The following PPFIA2 variants were observed in gnomAD, a reference collection of about 807,000 sequenced individuals.
PPFIA2 encodes liprin-alpha-2.
PPFIA2 carries 46 observed loss-of-function variants against 175.5 expected under a neutral mutation model. The observed-to-expected ratio is 0.26, with a 90% CI of 0.21 to 0.34. The LOEUF is 0.34. Ranked by LOEUF, PPFIA2 falls within the 10% of genes least tolerant of loss-of-function variation. The pLI is 1.00. For synonymous variants in PPFIA2, 568 were observed against 511.4 expected (o/e 1.11, Z -1.49); for missense variants, 1,179 against 1,506.1 (o/e 0.78, Z 3.60).
chr12:81,735,835 A>G (rs1012388863), intron 3 of PPFIA2, among the ~76,000 whole-genome samples: 9 of 151,852 alleles, frequency 5.9e-5, no homozygotes, highest in African/African-American at 2.2e-4. Context: ...TTTGTTGAAA[A>G]GACTATCTTC....
rs1423469395 is a variant in PPFIA2, at chr12:81,535,337, A to G, written c.304-77471T>C. 8.9e-6 allele frequency: 4 copies of G among 451,566 alleles called. No individual in the cohort carries two copies. In the Admixed American group the frequency reaches 9.6e-5, roughly 11 times the overall value. 28.0% of individuals were successfully genotyped at this position (451,566 alleles called of 1,614,324 possible). On this transcript the variant is annotated intron_variant, in intron 4 of 32. Coordinates refer to ENST00000549396, the MANE Select transcript of PPFIA2 (RefSeq NM_003625.5). ...GGAAAAGAGGGTTCCGGAGTTTGGG[A>G]ACTCTTGATTATTGGCAAAGGCCAG...
chr12:81,460,592 A>G (rs1007926748), intron 4 of PPFIA2, among the ~76,000 whole-genome samples: 13 of 152,098 alleles, frequency 8.5e-5, no homozygotes, highest in Non-Finnish European at 1.6e-4. Flanking sequence ...GAGACTGTGT[A>G]GAGGCAGATA....
At chr12:81,569,450 A>G (rs2072047315) in intron 4 of PPFIA2, among the ~76,000 whole-genome samples, 3 of 152,176 alleles carry the variant, frequency 2.0e-5, no homozygotes. Context: ...TACTCCAACA[A>G]AAAAGCCTTT....
chr12:81,575,386 G>C (rs2073327920), intron 4 of PPFIA2, among the ~76,000 whole-genome samples: 1 of 151,734 alleles, frequency 6.6e-6, no homozygotes, highest in Non-Finnish European at 1.5e-5. Flanking sequence ...CAAGCATAGT[G>C]CTGTATAATA....
chr12:81,598,667 T>C (rs186097838), intron 4 of PPFIA2, among the ~76,000 whole-genome samples: 49 of 152,020 alleles, frequency 3.2e-4, no homozygotes, highest in African/African-American at 1.1e-3. Flanking sequence ...AGTTCTTTTA[T>C]AATTTATAGA....
At position 81,262,028 on chromosome 12, in the gene PPFIA2, C is replaced by T; in HGVS notation, c.3728G>A (p.Arg1243Lys). Residue 1243 changes from arginine to lysine, a missense_variant, in exon 32 of 33, where the codon AGA (arginine) becomes AAA (lysine). This residue lies in a region of PPFIA2 where 245 missense variants were observed against 375.1 expected (regional missense o/e 0.65). Coordinates refer to ENST00000549396, the MANE Select transcript of PPFIA2 (RefSeq NM_003625.5). ...RKMTTDVASS[R>K]LQRLDNSTVR... ...AGTGGAGTTGTCTAACCTCTGCAGT[C>T]TTGATGAAGCAACTGCAAATGGAGA... 1 of 1,601,916 alleles carries T rather than the reference C, an allele frequency of 6.2e-7. No individual in the cohort carries two copies. The highest frequency in any genetic ancestry group is 8.5e-7 in the Non-Finnish European group (1 of 1,172,694).
chr12:81,293,992 A>C (rs2045747295), intron 24 of PPFIA2, among the ~76,000 whole-genome samples: 1 of 151,616 alleles, frequency 6.6e-6, no homozygotes, highest in Non-Finnish European at 1.5e-5. Context: ...TTGTAGCAAC[A>C]TAAATGGAAC....
intron 4 of PPFIA2, among the ~76,000 whole-genome samples, chr12:81,541,537 G>A (rs2066209786): frequency 1.3e-5 from 2 of 151,996 alleles, no homozygotes; most frequent in Non-Finnish European, 2.9e-5. Flanking sequence ...GATTTTACAG[G>A]TTCTATGCCA....
intron 28 of PPFIA2, among the ~76,000 whole-genome samples, chr12:81,269,932 G>C (rs1409942983): frequency 6.6e-6 from 1 of 151,826 alleles, no homozygotes; most frequent in East Asian, 1.9e-4. Context: ...AAGGGTGGGG[G>C]ATGGCAAGGG....
chr12:81,505,615 G>A (rs951615783), intron 4 of PPFIA2: 2 of 152,162 alleles, frequency 1.3e-5, no homozygotes, highest in African/African-American at 2.4e-5. Flanking sequence ...AAAGTTGGAA[G>A]GTCTACCACA....
At chr12:81,647,866 TAATA>T (rs1456233321) in intron 4 of PPFIA2, among the ~76,000 whole-genome samples, 2 of 141,608 alleles carry the variant, frequency 1.4e-5, no homozygotes, top group Non-Finnish European at 3.0e-5. Flanking sequence ...ATATATAATA[TAATA>T]TATATTATAT....
chr12:81,319,914 T>A (rs1250633442), intron 22 of PPFIA2, among the ~76,000 whole-genome samples: 1 of 151,990 alleles, frequency 6.6e-6, no homozygotes, highest in African/African-American at 2.4e-5. Flanking sequence ...CAGTTCCTAC[T>A]GCATGCCTAC....
At chr12:81,733,589 T>C (rs2081206851) in intron 3 of PPFIA2, among the ~76,000 whole-genome samples, 1 of 151,678 alleles carries the variant, frequency 6.6e-6, no homozygotes, top group African/African-American at 2.4e-5. Flanking sequence ...TTTATCTATA[T>C]ATAAAATGGA....
intron 3 of PPFIA2, among the ~76,000 whole-genome samples, chr12:81,743,743 C>G (rs2082664646): frequency 6.6e-6 from 1 of 151,732 alleles, no homozygotes; most frequent in African/African-American, 2.4e-5. Flanking sequence ...CTAAAAATAA[C>G]AGCCAGTTTC....
At chr12:81,338,172 A>G (rs955516275) in intron 21 of PPFIA2, among the ~76,000 whole-genome samples, 8 of 152,240 alleles carry the variant, frequency 5.3e-5, no homozygotes, top group Middle Eastern at 6.8e-3. Context: ...TAAGTCCTGG[A>G]GTTGGGTATT....
intron 4 of PPFIA2, among the ~76,000 whole-genome samples, chr12:81,542,720 G>T (rs764695900): frequency 5.9e-5 from 9 of 151,986 alleles, no homozygotes; most frequent in African/African-American, 9.7e-5. Flanking sequence ...GTTCCTTTGA[G>T]ATATAAATCT....
intron 31 of PPFIA2, among the ~76,000 whole-genome samples, chr12:81,262,334 G>T (rs2035867984): frequency 1.3e-5 from 2 of 152,136 alleles, no homozygotes; most frequent in South Asian, 2.1e-4. Flanking sequence ...TGCTCTTAGA[G>T]AACTCATTAT....
chr12:81,743,312 G>A (rs560028465), intron 3 of PPFIA2, among the ~76,000 whole-genome samples: 3 of 150,574 alleles, frequency 2.0e-5, no homozygotes, highest in African/African-American at 7.3e-5. Context: ...AGCTACTGGG[G>A]AGGCTGAGGC....
At chr12:81,490,794 G>T in intron 4 of PPFIA2, among the ~76,000 whole-genome samples, 1 of 151,912 alleles carries the variant, frequency 6.6e-6, no homozygotes, top group South Asian at 2.1e-4. Flanking sequence ...ATGCCACTTA[G>T]GCATTTGCTT....
Sources: allele counts gnomAD v4.1 joint callset (sites outside exome capture counted in the v4.1 genomes callset), GRCh38; gene constraint gnomAD v4.1.1; regional missense constraint gnomAD v4.1.1; transcripts MANE v1.5; gene names NCBI Gene and HGNC (gene_info 2026-07-23, HGNC 2026-07-21).